The following CLIC4 variants were observed in gnomAD, a reference collection of about 807,000 sequenced individuals.
CLIC4 encodes chloride intracellular channel protein 4.
CLIC4 carries 13 observed loss-of-function variants against 24.6 expected under a neutral mutation model. The observed-to-expected ratio is 0.53, with a 90% CI of 0.34 to 0.84. The LOEUF (loss-of-function observed/expected upper bound fraction) is 0.84. Ranked by LOEUF, CLIC4 falls within the 40% of genes least tolerant of loss-of-function variation. The probability of loss-of-function intolerance (pLI) is 0.01; values close to 1 mark genes in which losing one functional copy is unlikely to be tolerated. For synonymous variants in CLIC4, 104 were observed against 111.3 expected (o/e 0.93, Z 0.41); for missense variants, 227 against 301.7 (o/e 0.75, Z 1.83).
chr1:24,795,448 C>T (rs768975373), intron 1 of CLIC4, among the ~76,000 whole-genome samples: 3 of 151,194 alleles, frequency 2.0e-5, no homozygotes, highest in East Asian at 3.9e-4. Context: ...CTTAAGTCCA[C>T]GAATTTGAAA....
intron 1 of CLIC4, among the ~76,000 whole-genome samples, chr1:24,758,431 G>A (rs1638878412): frequency 6.6e-6 from 1 of 151,318 alleles, no homozygotes; most frequent in African/African-American, 2.4e-5. Flanking sequence ...AAGTAGCTGG[G>A]ATTATAGGCG....
At chr1:24,838,725 T>G (rs1042348571) in intron 4 of CLIC4, among the ~76,000 whole-genome samples, 1 of 152,130 alleles carries the variant, frequency 6.6e-6, no homozygotes, top group Non-Finnish European at 1.5e-5. Context: ...TAATAGAAGA[T>G]CTGTCTGTTG....
intron 3 of CLIC4, among the ~76,000 whole-genome samples, chr1:24,823,024 G>A (rs1639750662): frequency 1.3e-5 from 2 of 152,102 alleles, no homozygotes; most frequent in Non-Finnish European, 2.9e-5. Flanking sequence ...AATAGGATAA[G>A]GAGAAAAAGG....
At chr1:24,786,038 G>A in intron 1 of CLIC4, among the ~76,000 whole-genome samples, 1 of 151,978 alleles carries the variant, frequency 6.6e-6, no homozygotes, top group Admixed American at 6.6e-5. Flanking sequence ...GGTAAATGAG[G>A]TATTAAAGTT....
intron 1 of CLIC4, among the ~76,000 whole-genome samples, chr1:24,749,679 G>A: frequency 6.6e-6 from 1 of 152,108 alleles, no homozygotes; most frequent in East Asian, 1.9e-4. Context: ...AAAGGCAGCT[G>A]GGCTGTGGTG....
In CLIC4 at chr1:24,797,844, C is replaced by G; in HGVS notation, c.175C>G (p.Leu59Val). 6.2e-7 allele frequency: 1 copy of G among 1,608,282 alleles called. No homozygotes were observed. The highest frequency in any genetic ancestry group is 2.2e-5 in the East Asian group (1 of 44,766). ...TGTATTTAGTGTGACGACTGTTGAC[C>G]TGAAAAGGTAAGACATGGTCGCAGT... ...GVVFSVTTVD[L>V]KRKPADLQNL... The change falls in exon 2 of 6, where the codon CTG becomes GTG. Residue 59 changes from leucine (L) to valine (V), a missense_variant. Transcript: ENST00000374379.
intron 1 of CLIC4, among the ~76,000 whole-genome samples, chr1:24,785,989 G>C (rs767104527): frequency 1.3e-5 from 2 of 151,692 alleles, no homozygotes; most frequent in African/African-American, 4.8e-5. Flanking sequence ...CAACCATTTT[G>C]TGTATTTTGA....
intron 2 of CLIC4, among the ~76,000 whole-genome samples, chr1:24,811,698 T>C (rs965722809): frequency 6.6e-6 from 1 of 152,082 alleles, no homozygotes; most frequent in Non-Finnish European, 1.5e-5. Context: ...CTGGTCTCGC[T>C]TGAACTCCTG....
At chr1:24,790,489 G>C (rs1411088411) in intron 1 of CLIC4, among the ~76,000 whole-genome samples, 1 of 152,196 alleles carries the variant, frequency 6.6e-6, no homozygotes, top group African/African-American at 2.4e-5. Flanking sequence ...CGAATTAGAT[G>C]GTAGTGAGTT....
chr1:24,756,901 G>T (rs1053999201), intron 1 of CLIC4, among the ~76,000 whole-genome samples: 263 of 134,448 alleles, frequency 2.0e-3, no homozygotes, highest in African/African-American at 8.2e-3. Context: ...TTTTTTTAAT[G>T]TTTTTTTTTT....
intron 3 of CLIC4, among the ~76,000 whole-genome samples, chr1:24,825,041 A>ACACAC (rs1557813792): frequency 9.3e-5 from 11 of 117,682 alleles, no homozygotes; most frequent in Non-Finnish European, 2.1e-4. Flanking sequence ...CACACACACA[A>ACACAC]AAGTACAAAA....
At chr1:24,785,013 A>AC (rs1417231055) in intron 1 of CLIC4, among the ~76,000 whole-genome samples, 1 of 151,306 alleles carries the variant, frequency 6.6e-6, no homozygotes, top group East Asian at 1.9e-4. Flanking sequence ...CAAAAAAAAA[A>AC]AAAAAGAAAA....
At chr1:24,797,873 C>T in intron 2 of CLIC4, 22 bp downstream of exon 2, 2 of 1,512,794 alleles carry the variant, frequency 1.3e-6, no homozygotes, top group South Asian at 1.1e-5. Flanking sequence ...TCGCAGTTTG[C>T]AATCAACTTA....
At chr1:24,764,842 TTTGTTG>T (rs554416253) in intron 1 of CLIC4, among the ~76,000 whole-genome samples, 4 of 151,912 alleles carry the variant, frequency 2.6e-5, no homozygotes, top group African/African-American at 9.6e-5. Flanking sequence ...TCACTGCAGG[TTTGTTG>T]TTGTTGTTGT....
intron 1 of CLIC4, among the ~76,000 whole-genome samples, chr1:24,751,513 C>T (rs548994771): frequency 6.6e-6 from 1 of 152,132 alleles, no homozygotes; most frequent in Non-Finnish European, 1.5e-5. Context: ...GCTGGGATTA[C>T]AGGCGTGAGC....
chr1:24,828,312 A>G (rs1446054691), intron 4 of CLIC4, among the ~76,000 whole-genome samples: 2 of 152,178 alleles, frequency 1.3e-5, no homozygotes, highest in African/African-American at 4.8e-5. Context: ...TGTATCTGTT[A>G]ATAATGTATT....
At chr1:24,829,328 A>AAC (rs1233249573) in intron 4 of CLIC4, among the ~76,000 whole-genome samples, 1 of 152,220 alleles carries the variant, frequency 6.6e-6, no homozygotes, top group Admixed American at 6.5e-5. Flanking sequence ...GCTAGTGGTT[A>AAC]GGTTGGGGTA....
At chr1:24,765,983 T>A (rs1459052337) in intron 1 of CLIC4, among the ~76,000 whole-genome samples, 1 of 151,950 alleles carries the variant, frequency 6.6e-6, no homozygotes, top group African/African-American at 2.4e-5. Flanking sequence ...GGCTAATTTT[T>A]AAAATTTGTT....
chr1:24,780,059 C>G (rs984475868), intron 1 of CLIC4, among the ~76,000 whole-genome samples: 1 of 152,198 alleles, frequency 6.6e-6, no homozygotes, highest in African/African-American at 2.4e-5. Context: ...CCAGTGGAAG[C>G]TCCATGAAGT....
Sources: allele counts gnomAD v4.1 joint callset (sites outside exome capture counted in the v4.1 genomes callset), GRCh38; gene constraint gnomAD v4.1.1; transcripts MANE v1.5; gene names NCBI Gene and HGNC (gene_info 2026-07-23, HGNC 2026-07-21).